KDM3A: variants seen among roughly 807,000 people sequenced by gnomAD.
KDM3A encodes lysine-specific demethylase 3A.
Under a neutral mutation model 158.0 loss-of-function variants are expected in KDM3A, and 60 were observed. The ratio of observed to expected loss-of-function variants is 0.38; its 90% CI spans 0.31 to 0.47. The LOEUF (loss-of-function observed/expected upper bound fraction) is 0.47. KDM3A is among the 20% of genes least tolerant of loss of function. The pLI, the probability that KDM3A is intolerant of heterozygous loss-of-function variation, is 0.99. For missense variants in KDM3A, 1,319 were observed against 1,574.3 expected, an observed-to-expected ratio of 0.84 and a Z score of 2.74; for synonymous variants, 608 against 549.3, an observed-to-expected ratio of 1.11 and a Z score of -1.49.
intron 12 of KDM3A, among the ~76,000 whole-genome samples, chr2:86,476,714 T>C (rs545811609): frequency 4.7e-4 from 71 of 152,334 alleles, no homozygotes; most frequent in African/African-American, 1.7e-3. Flanking sequence ...TCATAAAATC[T>C]CATTTGTAAG....
chr2:86,488,779 G>C (rs1464795025), intron 21 of KDM3A: 1 of 153,632 alleles, frequency 6.5e-6, no homozygotes, highest in Non-Finnish European at 1.4e-5. Context: ...GCTTTCTCCT[G>C]TGAGCAAGGA....
intron 15 of KDM3A, 195 bp downstream of exon 15, chr2:86,478,930 TAG>T (rs1673794451): frequency 1.9e-6 from 1 of 531,054 alleles, no homozygotes; most frequent in Non-Finnish European, 3.3e-6. Flanking sequence ...ATTACTTTCG[TAG>T]ACTCTACTGT....
At chr2:86,482,235 C>T in intron 17 of KDM3A, 133 bp downstream of exon 17, 1 of 1,196,116 alleles carries the variant, frequency 8.4e-7, no homozygotes, top group South Asian at 1.4e-5. Flanking sequence ...AAGGCTGAGT[C>T]ACTGGAGGAT....
intron 9 of KDM3A, 103 bp from the exon 10 acceptor site, chr2:86,466,267 TTC>T: frequency 8.2e-7 from 1 of 1,213,764 alleles, no homozygotes; most frequent in East Asian, 2.4e-5. Flanking sequence ...ATTTTCTTTT[TTC>T]TTTCATACTC....
chr2:86,467,278 TC>T (rs1558617983), intron 10 of KDM3A: 1 of 157,574 alleles, frequency 6.3e-6, no homozygotes, highest in Non-Finnish European at 1.4e-5. Flanking sequence ...TGAAACAAAA[TC>T]TAAAGTAATC....
chr2:86,442,320 A>G, intron 2 of KDM3A, 87 bp downstream of exon 2: 1 of 1,272,922 alleles, frequency 7.9e-7, no homozygotes, highest in Non-Finnish European at 1.1e-6. Flanking sequence ...CGTTTTCTGA[A>G]AACGGAGACC....
At chr2:86,469,731 G>A (rs974832817) in intron 10 of KDM3A, among the ~76,000 whole-genome samples, 2 of 152,116 alleles carry the variant, frequency 1.3e-5, no homozygotes, top group African/African-American at 4.8e-5. Context: ...TTCGTTTATT[G>A]TTATTTTTAG....
chr2:86,444,100 T>G (rs1419893129), intron 2 of KDM3A, among the ~76,000 whole-genome samples: 1 of 152,160 alleles, frequency 6.6e-6, no homozygotes, highest in Non-Finnish European at 1.5e-5. Context: ...GAACTTCACA[T>G]GTATATATTT....
chr2:86,456,937 T>C (rs1672730440), intron 7 of KDM3A, 46 bp from the exon 8 acceptor site: 1 of 1,570,724 alleles, frequency 6.4e-7, no homozygotes, highest in South Asian at 1.1e-5. Flanking sequence ...CTTCTCACAT[T>C]AAGAGAAACA....
intron 8 of KDM3A, among the ~76,000 whole-genome samples, chr2:86,462,149 T>A (rs1163839098): frequency 6.6e-6 from 1 of 151,780 alleles, no homozygotes; most frequent in African/African-American, 2.4e-5. Flanking sequence ...ACTTTGCAAA[T>A]AGAGGCAAGA....
At chr2:86,454,490 G>A (rs889423994) in intron 4 of KDM3A, among the ~76,000 whole-genome samples, 1 of 152,140 alleles carries the variant, frequency 6.6e-6, no homozygotes, top group African/African-American at 2.4e-5. Context: ...CAAAAGGTTT[G>A]GAGAACATTG....
chr2:86,442,563 T>G, intron 2 of KDM3A: 1 of 208,072 alleles, frequency 4.8e-6, no homozygotes, highest in African/African-American at 2.3e-5. Flanking sequence ...GTAGGGCCTG[T>G]AAGTGACGTT....
chr2:86,462,438 C>T (rs1672966126), intron 8 of KDM3A, among the ~76,000 whole-genome samples: 1 of 151,896 alleles, frequency 6.6e-6, no homozygotes, highest in Admixed American at 6.6e-5. Context: ...GGAGACTAAC[C>T]TCAGATTAAC....
chr2:86,456,247 C>A (rs189099305), intron 5 of KDM3A, among the ~76,000 whole-genome samples, 195 bp from the exon 6 acceptor site: 2 of 151,806 alleles, frequency 1.3e-5, no homozygotes, highest in Admixed American at 1.3e-4. Flanking sequence ...TACTTTGGTC[C>A]GATACAAAAT....
At chr2:86,485,139 A>G in intron 20 of KDM3A, 110 bp downstream of exon 20, 1 of 643,794 alleles carries the variant, frequency 1.6e-6, no homozygotes, top group Admixed American at 2.7e-5. Flanking sequence ...AAGTTCTGTA[A>G]TTATACTGCC....
At chr2:86,466,074 A>C (rs544663994) in intron 9 of KDM3A, among the ~76,000 whole-genome samples, 14 of 152,234 alleles carry the variant, frequency 9.2e-5, no homozygotes, top group African/African-American at 3.4e-4. Context: ...TTTGAGGGAA[A>C]GCTAAGGTTC....
rs750462923 is a variant in KDM3A at position 86,477,983 on chromosome 2, A to G, written c.2046A>G (p.Gly682=). 5 of 1,613,956 alleles carry G rather than the reference A, an allele frequency of 3.1e-6. No homozygotes were observed. The African/African-American group carries it at 6.7e-5, about 22-fold the overall frequency. ...LHWVCPRCGF[G]VCVDCYRMKR... ...GGGTGTGTCCTCGGTGTGGGTTTGG[A>G]GTATGTGTGGACTGCTACCGGATGA... Residue 682 remains glycine (G), a synonymous_variant, in exon 13 of 26, where the codon GGA becomes GGG. Coordinates refer to ENST00000312912, the MANE Select transcript of KDM3A (RefSeq NM_018433.6).
intron 17 of KDM3A, 33 bp downstream of exon 17, chr2:86,482,135 A>G: frequency 6.3e-7 from 1 of 1,598,348 alleles, no homozygotes. Context: ...TCCATGTTTT[A>G]AAGTTGAAGA....
At chr2:86,451,827 T>C (rs1025403427) in intron 4 of KDM3A, among the ~76,000 whole-genome samples, 4 of 152,200 alleles carry the variant, frequency 2.6e-5, no homozygotes, top group Admixed American at 6.5e-5. Flanking sequence ...TTATAGTTGA[T>C]GGTGTGTGTG....
Sources: gnomAD v4.1 joint callset for allele counts (sites outside exome capture counted in the v4.1 genomes callset) on GRCh38, gnomAD v4.1.1 for gene constraint, MANE v1.5 for transcripts, NCBI Gene and HGNC (gene_info 2026-07-23, HGNC 2026-07-21) for gene names.